The following NRG1 variants were observed in gnomAD, a reference collection of about 807,000 sequenced individuals.
NRG1 encodes pro-neuregulin-1, membrane-bound isoform.
NRG1 carries 18 observed loss-of-function variants against 63.8 expected under a neutral mutation model. The observed-to-expected ratio is 0.28, with a 90% confidence interval of 0.19 to 0.42. The LOEUF (loss-of-function observed/expected upper bound fraction) is 0.42, where lower values mean the gene tolerates loss of function less well. Among genes scored for constraint, NRG1 ranks in the 10% least tolerant of loss-of-function variants. The probability of loss-of-function intolerance (pLI) is 1.00; values close to 1 mark genes in which losing one functional copy is unlikely to be tolerated. For missense variants in NRG1, 762 were observed against 814.7 expected (o/e 0.94, Z 0.79); for synonymous variants, 302 against 301.3 (o/e 1.00, Z -0.02).
At chr8:31,743,641 C>T (rs1348066441) in intron 1 of NRG1, among the ~76,000 whole-genome samples, 1 of 151,794 alleles carries the variant, frequency 6.6e-6, no homozygotes, top group African/African-American at 2.4e-5. Context: ...TTGACACCTA[C>T]TTTTTCTTGT....
intron 5 of NRG1, among the ~76,000 whole-genome samples, chr8:32,721,398 C>T (rs73675424): frequency 0.049 from 7,404 of 152,234 alleles, 624 homozygotes; most frequent in African/African-American, 0.17. Flanking sequence ...AGGAAGTCTA[C>T]AAACCTCTAA....
intron 1 of NRG1, among the ~76,000 whole-genome samples, chr8:32,362,947 AG>A (rs1445038962): frequency 1.3e-5 from 2 of 152,116 alleles, no homozygotes; most frequent in African/African-American, 4.8e-5. Flanking sequence ...ATCACAGCAG[AG>A]GGGCCCTCAT....
rs368837240 is a variant in NRG1 at position 32,198,080 on chromosome 8, A to C, written c.38-397748A>C. ...TTTGGGCAATGTTTTGGCTAGTTGA[A>C]CAACAACAATGCTCATATTTATGCC... On this transcript the variant is annotated intron_variant, in intron 1 of 10. Coordinates refer to the NRG1 transcript ENST00000519301. Among the ~76,000 whole-genome samples the C allele has an allele frequency of 1.4e-4, 21 of 152,342 alleles. No homozygotes were observed. The East Asian group carries it at 2.5e-3, about 18-fold the overall frequency.
intron 1 of NRG1, among the ~76,000 whole-genome samples, chr8:31,903,241 C>T (rs548505428): frequency 7.9e-5 from 12 of 151,146 alleles, no homozygotes; most frequent in South Asian, 6.3e-4. Context: ...CTCTGCCTCC[C>T]GGGTTCACGC....
intron 1 of NRG1, among the ~76,000 whole-genome samples, chr8:32,258,160 C>T (rs568910805): frequency 1.1e-4 from 16 of 152,172 alleles, no homozygotes; most frequent in Non-Finnish European, 2.1e-4. Context: ...GCACACTCAT[C>T]TCCTGAAGGC....
intron 1 of NRG1, among the ~76,000 whole-genome samples, chr8:32,453,662 T>C (rs1234386056): frequency 1.3e-5 from 2 of 152,210 alleles, no homozygotes; most frequent in African/African-American, 2.4e-5. Flanking sequence ...TTTGGTTAAA[T>C]TTTAGGCAAC....
chr8:32,758,600 A>T (rs1005973617), intron 9 of NRG1, among the ~76,000 whole-genome samples: 24 of 133,402 alleles, frequency 1.8e-4, no homozygotes, highest in African/African-American at 8.1e-5. Context: ...AAAAAAAAAA[A>T]AAGGAGAAGA....
At chr8:32,734,303 G>A (rs1043736315) in intron 6 of NRG1, among the ~76,000 whole-genome samples, 1 of 152,106 alleles carries the variant, frequency 6.6e-6, no homozygotes, top group African/African-American at 2.4e-5. Flanking sequence ...TTAAACAAGG[G>A]GGCAACGGTA....
At chr8:32,754,397 A>G (rs1415828585) in exon 8 of NRG1, 1 of 1,613,758 alleles carries the variant, frequency 6.2e-7, no homozygotes, top group Non-Finnish European at 8.5e-7. Flanking sequence ...ACCAGAAGAG[A>G]GTGCTGACCA....
intron 1 of NRG1, among the ~76,000 whole-genome samples, chr8:31,865,518 T>C (rs540854160): frequency 2.9e-4 from 44 of 152,110 alleles, no homozygotes; most frequent in African/African-American, 8.2e-4. Flanking sequence ...GGGAGAGACC[T>C]TGTAGGAGGT....
At chr8:32,442,857 G>C (rs760321931) in intron 1 of NRG1, 3 of 151,998 alleles carry the variant, frequency 2.0e-5, no homozygotes, top group Non-Finnish European at 4.4e-5. Flanking sequence ...GTGAGTCTTT[G>C]TATTCTGTGA....
At chr8:32,516,920 C>A (rs1262288667) in intron 1 of NRG1, among the ~76,000 whole-genome samples, 4 of 152,104 alleles carry the variant, frequency 2.6e-5, no homozygotes, top group African/African-American at 9.7e-5. Context: ...GCAACTACTG[C>A]ACCCTAGTGA....
intron 1 of NRG1, among the ~76,000 whole-genome samples, chr8:31,947,292 G>C (rs1222770166): frequency 7.1e-6 from 1 of 140,110 alleles, no homozygotes; most frequent in African/African-American, 3.1e-5. Flanking sequence ...GGGCGACAGA[G>C]TGAGACTCCG....
intron 1 of NRG1, among the ~76,000 whole-genome samples, chr8:31,656,820 C>G (rs1314102141): frequency 1.3e-5 from 2 of 152,184 alleles, no homozygotes; most frequent in Admixed American, 6.6e-5. Flanking sequence ...CCATTCATAG[C>G]TGGTACCCAG....
At chr8:32,169,655 T>C (rs1461364886) in intron 1 of NRG1, among the ~76,000 whole-genome samples, 1 of 152,226 alleles carries the variant, frequency 6.6e-6, no homozygotes, top group Non-Finnish European at 1.5e-5. Flanking sequence ...CATTTAATTC[T>C]AACTAAAAGC....
chr8:32,722,140 A>G (rs1820823116), intron 5 of NRG1: 2 of 1,010,246 alleles, frequency 2.0e-6, no homozygotes, highest in Admixed American at 2.7e-5. Flanking sequence ...GCGTAGAGTT[A>G]TTTGGTTTAA....
chr8:32,357,453 T>G (rs1587028732), intron 1 of NRG1, among the ~76,000 whole-genome samples: 1 of 152,306 alleles, frequency 6.6e-6, no homozygotes, highest in South Asian at 2.1e-4. Flanking sequence ...CCATTTGCTT[T>G]TTGTCTTCAC....
chr8:32,430,505 C>T (rs1817989829), intron 1 of NRG1, among the ~76,000 whole-genome samples: 1 of 152,156 alleles, frequency 6.6e-6, no homozygotes, highest in African/African-American at 2.4e-5. Context: ...TGTGGAGAGT[C>T]TGATATCCTG....
chr8:32,512,902 T>C (rs948923266), intron 1 of NRG1, among the ~76,000 whole-genome samples: 10 of 152,198 alleles, frequency 6.6e-5, no homozygotes, highest in African/African-American at 2.4e-4. Flanking sequence ...ACCCCATTCC[T>C]TTAAAAATAG....
Sources: gnomAD v4.1 joint callset for allele counts (sites outside exome capture counted in the v4.1 genomes callset) on GRCh38, gnomAD v4.1.1 for gene constraint, MANE v1.5 for transcripts, NCBI Gene and HGNC (gene_info 2026-07-23, HGNC 2026-07-21) for gene names.